Variants in LSM1 observed in about 807,000 individuals in gnomAD.
LSM1 encodes the protein LSM1 homolog, mRNA degradation associated.
A neutral mutation model predicts 18.0 loss-of-function variants in LSM1; 13 were observed. The observed-to-expected ratio is 0.72, with a 90% CI of 0.47 to 1.15. The LOEUF is 1.15. LSM1 is among the 50% of genes most tolerant of loss of function. The probability of loss-of-function intolerance (pLI) is 0.00; values close to 1 mark genes in which losing one functional copy is unlikely to be tolerated. For missense variants in LSM1, 152 were observed against 157.7 expected (o/e 0.96, Z 0.19); for synonymous variants, 46 against 56.0 (o/e 0.82, Z 0.80).
intron 1 of LSM1, among the ~76,000 whole-genome samples, chr8:38,173,972 A>T (rs1179537287): frequency 6.6e-6 from 1 of 152,210 alleles, no homozygotes; most frequent in Non-Finnish European, 1.5e-5. Context: ...TTGTTAGAGA[A>T]ATCAAGAGAA....
At position 38,171,788 on chromosome 8, in the gene LSM1, A is replaced by G. The variant is rs994539186; in HGVS notation, c.115+177T>C. Among the ~76,000 whole-genome samples, 3 of 152,226 alleles carry G rather than the reference A, an allele frequency of 2.0e-5. No homozygotes were observed. In the East Asian group the frequency reaches 5.8e-4, roughly 29 times the overall value. Reference sequence around the variant, plus strand: ...AGAAACGAGCTTGGAAATATATATAAGCTTTGAACCACCTAATCTGAATGT... The same window carrying G: ...AGAAACGAGCTTGGAAATATATATAGGCTTTGAACCACCTAATCTGAATGT... On this transcript the variant is annotated intron_variant, in intron 2 of 3. Transcript: ENST00000311351.
intron 1 of LSM1, 150 bp from the exon 2 acceptor site, chr8:38,172,183 CAG>C: frequency 1.7e-6 from 1 of 593,162 alleles, no homozygotes. Flanking sequence ...AAAAGCAGCA[CAG>C]CAACGCGGAT....
chr8:38,175,138 T>A (rs1402994678), intron 1 of LSM1, among the ~76,000 whole-genome samples: 1 of 143,842 alleles, frequency 7.0e-6, no homozygotes, highest in African/African-American at 2.6e-5. Context: ...TGGAGTGCAA[T>A]GGTGCGATCT....
intron 2 of LSM1, 46 bp from the exon 3 acceptor site, chr8:38,169,963 T>C (rs918107891): frequency 4.3e-6 from 4 of 924,010 alleles, no homozygotes; most frequent in Non-Finnish European, 5.3e-6. Context: ...TTTAAACTAC[T>C]GGGTAAAGGC....
intron 1 of LSM1, among the ~76,000 whole-genome samples, chr8:38,173,224 A>G (rs1371558965): frequency 2.6e-5 from 4 of 152,162 alleles, no homozygotes; most frequent in Non-Finnish European, 5.9e-5. Flanking sequence ...AGGAATTTAT[A>G]CTCTTCCTTG....
rs917561702 is a variant in LSM1 at position 38,163,713 on chromosome 8, C to T, written c.359G>A (p.Arg120Gln). 13 of 1,614,042 alleles carry T rather than the reference C, an allele frequency of 8.1e-6. No individual in the cohort carries two copies. Among genetic ancestry groups the T allele is most frequent in the Admixed American group, 1.7e-5 (1 of 60,002 alleles). ...ATCTGCTCGAGGAATGGAAAGACCT[C>T]GGTCCTTCAGGGCCTGCACTTTCAA... ...EKLKVQALKD[R>Q]GLSIPRADTL... The change falls in exon 4 of 4, where the codon CGA becomes CAA. Residue 120 changes from arginine to glutamine, a missense_variant. Arg to Gln is a conservative substitution (Grantham distance 43). Coordinates refer to ENST00000311351, the MANE Select transcript of LSM1 (RefSeq NM_014462.3).
exon 1 of LSM1, chr8:38,176,489 ATATTACCCT>A (rs1404154192): frequency 1.6e-6 from 1 of 615,110 alleles, no homozygotes; most frequent in Non-Finnish European, 2.9e-6. Context: ...AAGCTCCTCC[ATATTACCCT>A]TACCCACTTC....
In LSM1 at chr8:38,176,343, A is replaced by G. The variant is rs755880275; in HGVS notation, c.-23T>C. 17 of 1,605,272 alleles carry G rather than the reference A, an allele frequency of 1.1e-5. No individual in the cohort carries two copies. The highest frequency in any genetic ancestry group is 1.1e-5 in the Non-Finnish European group (13 of 1,174,828). ...CATTTTGAACTGAAATAATGCTGCAATGCACAGCGGCGGGAGGCCAGCGCG... is the reference window on the plus strand; with the variant it reads ...CATTTTGAACTGAAATAATGCTGCAGTGCACAGCGGCGGGAGGCCAGCGCG... On this transcript the variant is annotated 5_prime_UTR_variant, in exon 1 of 4. Transcript: ENST00000311351.
chr8:38,175,319 C>G (rs935043884), intron 1 of LSM1, among the ~76,000 whole-genome samples: 10 of 152,058 alleles, frequency 6.6e-5, no homozygotes, highest in African/African-American at 2.4e-4. Context: ...CTGCCCGCCT[C>G]GGCCCCCCAA....
Position 38,171,951 on chromosome 8 carries a change from A to T in LSM1, c.115+14T>A. The T allele has an allele frequency of 7.6e-6, 12 of 1,579,812 alleles. No homozygotes were observed. The highest frequency in any genetic ancestry group is 1.4e-5 in the African/African-American group (1 of 73,654). ...TATCCAGAGTATAAGAGATGTCCATAAATTAATACATACCAAATTGATCAA... is the reference window on the plus strand; with the variant it reads ...TATCCAGAGTATAAGAGATGTCCATTAATTAATACATACCAAATTGATCAA... On this transcript the variant is annotated intron_variant, in intron 2 of 3. Transcript: ENST00000311351.
intron 3 of LSM1, 51 bp downstream of exon 3, chr8:38,169,751 C>G (rs1802992774): frequency 9.3e-7 from 1 of 1,069,716 alleles, no homozygotes. Flanking sequence ...AAAAAGAAGT[C>G]TAACTAGCAT....
In LSM1 at chr8:38,176,463, C is replaced by G; in HGVS notation, c.-143G>C. On this transcript the variant is annotated 5_prime_UTR_variant, in exon 1 of 4. Transcript: ENST00000311351. Reference sequence around the variant, plus strand: ...CAGCACTTCTGCCCCGGCTTTCAGCCGCCGGGGGCTGCCGGAAGCTCCTCC... The same window carrying G: ...CAGCACTTCTGCCCCGGCTTTCAGCGGCCGGGGGCTGCCGGAAGCTCCTCC... The G allele has an allele frequency of 1.5e-6, 1 of 662,366 alleles. No individual in the cohort carries two copies. Among genetic ancestry groups the G allele is most frequent in the East Asian group, 2.7e-5 (1 of 36,446 alleles). 41.0% of individuals were successfully genotyped at this position (662,366 alleles called of 1,614,324 possible).
chr8:38,166,434 T>C (rs186802881), intron 3 of LSM1, among the ~76,000 whole-genome samples: 25 of 152,356 alleles, frequency 1.6e-4, no homozygotes, highest in Admixed American at 9.8e-4. Flanking sequence ...AATGTCATAA[T>C]GCAGAAGAAC....
chr8:38,164,699 T>A (rs1021194428), intron 3 of LSM1, among the ~76,000 whole-genome samples: 1 of 151,502 alleles, frequency 6.6e-6, no homozygotes, highest in Non-Finnish European at 1.5e-5. Flanking sequence ...TGTGGTGGTG[T>A]TCACCTACAG....
In LSM1 at chr8:38,173,378, G is replaced by A. The variant is rs187152810; in HGVS notation, c.47-1345C>T. Among the ~76,000 whole-genome samples the A allele has an allele frequency of 2.0e-5, 3 of 151,976 alleles. No individual in the cohort carries two copies. In the East Asian group the frequency reaches 5.8e-4, roughly 29 times the overall value. ...CAAGAAGAGTGATAGGAAGGGGGCG[G>A]GGGGGGAGAAGGAAATCTGTAAATT... On this transcript the variant is annotated intron_variant, in intron 1 of 3. Coordinates refer to ENST00000311351, the MANE Select transcript of LSM1 (RefSeq NM_014462.3).
chr8:38,176,594 G>C (rs1803152569), upstream of LSM1: 5 of 567,906 alleles, frequency 8.8e-6, no homozygotes, highest in Non-Finnish European at 1.2e-5. Context: ...AAGTAGGTAA[G>C]AGGAAACTCC....
intron 3 of LSM1, among the ~76,000 whole-genome samples, chr8:38,167,563 C>G (rs1802955491): frequency 6.6e-6 from 1 of 152,058 alleles, no homozygotes; most frequent in Non-Finnish European, 1.5e-5. Context: ...AGGCTGGTCT[C>G]TTGCAGCTTA....
chr8:38,167,729 C>A (rs968953192), intron 3 of LSM1, among the ~76,000 whole-genome samples: 1 of 152,134 alleles, frequency 6.6e-6, no homozygotes, highest in Non-Finnish European at 1.5e-5. Context: ...TATAACCCCA[C>A]CATGCAGAGA....
At chr8:38,169,440 C>A (rs748753721) in intron 3 of LSM1, among the ~76,000 whole-genome samples, 1 of 152,144 alleles carries the variant, frequency 6.6e-6, no homozygotes, top group Non-Finnish European at 1.5e-5. Flanking sequence ...TCACATTGTA[C>A]TGTACAGGCA....
Sources: gnomAD v4.1 joint callset for allele counts (sites outside exome capture counted in the v4.1 genomes callset) on GRCh38, gnomAD v4.1.1 for gene constraint, MANE v1.5 for transcripts, NCBI Gene and HGNC (gene_info 2026-07-23, HGNC 2026-07-21) for gene names.